The following FAM167A variants were observed in gnomAD, a reference collection of about 807,000 sequenced individuals.
FAM167A encodes protein FAM167A.
FAM167A carries 23 observed loss-of-function variants against 14.9 expected under a neutral mutation model. The observed-to-expected ratio is 1.55, with a 90% CI of 1.11 to 2.19. FAM167A has a LOEUF of 2.19. Among genes scored for constraint, FAM167A ranks in the 30% most tolerant of loss-of-function variants. FAM167A has a pLI of 0.00. For missense variants in FAM167A, 401 were observed against 281.5 expected (o/e 1.42, Z -3.04); for synonymous variants, 174 against 117.7 (o/e 1.48, Z -3.10).
chr8:11,449,149 ATG>A (rs1806918022), intron 1 of FAM167A, among the ~76,000 whole-genome samples: 2 of 152,234 alleles, frequency 1.3e-5, no homozygotes, highest in South Asian at 4.1e-4. Flanking sequence ...CTCAAGCAGC[ATG>A]TGTTTTCCTG....
At chr8:11,424,839 G>C (rs1361217519) in intron 2 of FAM167A, among the ~76,000 whole-genome samples, 4 of 152,238 alleles carry the variant, frequency 2.6e-5, no homozygotes, top group Non-Finnish European at 4.4e-5. Context: ...ACAATACTTT[G>C]TGCTAGGCTA....
chr8:11,468,279 C>T (rs1011461483), upstream of FAM167A, among the ~76,000 whole-genome samples: 2 of 152,200 alleles, frequency 1.3e-5, no homozygotes, highest in African/African-American at 4.8e-5. Context: ...GGCCTCTGTC[C>T]GTCTCTAGGG....
At chr8:11,467,096 GACCCC>G (rs1176586905), upstream of FAM167A, among the ~76,000 whole-genome samples, 4 of 152,196 alleles carry the variant, frequency 2.6e-5, no homozygotes, top group African/African-American at 9.6e-5. Flanking sequence ...GGCGCAGGGG[GACCCC>G]ACGCCCAGGG....
At chr8:11,469,574 GA>G (rs1387598491), upstream of FAM167A, among the ~76,000 whole-genome samples, 2 of 152,220 alleles carry the variant, frequency 1.3e-5, no homozygotes, top group Non-Finnish European at 2.9e-5. Flanking sequence ...GATGAGTCAA[GA>G]AAAATGCCCA....
rs1806335992 is a variant in FAM167A, at chr8:11,440,052, G to C, written c.381+3979C>G. ...AATGCCCTCCCCCCACTCCCACCCAGGCTACTCGGCTGCCTGGAAGGTGAA... is the reference window on the plus strand; with the variant it reads ...AATGCCCTCCCCCCACTCCCACCCACGCTACTCGGCTGCCTGGAAGGTGAA... On this transcript the variant is annotated intron_variant, in intron 2 of 2. Transcript: ENST00000284486. Among the ~76,000 whole-genome samples, 3 of 152,156 alleles carry C rather than the reference G, an allele frequency of 2.0e-5. No homozygotes were observed. In the South Asian group the frequency reaches 6.2e-4, roughly 32 times the overall value.
At chr8:11,439,752 C>T (rs892270308) in intron 2 of FAM167A, among the ~76,000 whole-genome samples, 3 of 152,200 alleles carry the variant, frequency 2.0e-5, no homozygotes, top group Non-Finnish European at 4.4e-5. Flanking sequence ...TTCATCCTGG[C>T]ACTGCATAAA....
chr8:11,422,415 C>G lies in FAM167A; in HGVS notation c.*1958G>C, dbSNP rs943696480. 7.6e-5 allele frequency: 10 copies of G among 131,952 alleles called. No individual in the cohort carries two copies. The highest frequency in any genetic ancestry group is 1.8e-4 in the Non-Finnish European group (10 of 55,412). 8.2% of individuals were successfully genotyped at this position (131,952 alleles called of 1,614,324 possible). A position where few individuals can be genotyped will look rare whatever the true frequency, so the allele number is the denominator to read the frequency against. Reference sequence around the variant, plus strand: ...GTGTGTGTGTGTGTGTAGGTCAGCCCGAGACCTCAAGGGCTTATCTGGAAA... The same window carrying G: ...GTGTGTGTGTGTGTGTAGGTCAGCCGGAGACCTCAAGGGCTTATCTGGAAA... On this transcript the variant is annotated 3_prime_UTR_variant, in exon 3 of 3. Coordinates refer to ENST00000284486, the MANE Select transcript of FAM167A (RefSeq NM_053279.3).
chr8:11,458,231 T>C (rs1046036080), intron 1 of FAM167A, among the ~76,000 whole-genome samples: 1 of 152,230 alleles, frequency 6.6e-6, no homozygotes, highest in African/African-American at 2.4e-5. Context: ...TGTTTGAATT[T>C]GACTCAGTCT....
intron 2 of FAM167A, among the ~76,000 whole-genome samples, chr8:11,439,280 T>C (rs1395694544): frequency 6.6e-6 from 1 of 152,120 alleles, no homozygotes; most frequent in Non-Finnish European, 1.5e-5. Flanking sequence ...AGATGGGGGG[T>C]ATCAACCTGG....
intron 2 of FAM167A, among the ~76,000 whole-genome samples, chr8:11,431,785 G>T (rs931673489): frequency 2.7e-5 from 4 of 149,644 alleles, no homozygotes; most frequent in Admixed American, 6.8e-5. Flanking sequence ...TAGCCTGAGT[G>T]ACACTGGAAG....
intron 2 of FAM167A, chr8:11,435,179 G>C: frequency 2.2e-6 from 1 of 455,240 alleles, no homozygotes; most frequent in African/African-American, 2.0e-5. Context: ...CCACAGGGCA[G>C]CCACACTGAG....
intron 1 of FAM167A, among the ~76,000 whole-genome samples, chr8:11,446,878 G>A (rs1309591490): frequency 6.6e-6 from 1 of 152,250 alleles, no homozygotes; most frequent in East Asian, 1.9e-4. Flanking sequence ...GTCTGGGGCA[G>A]CTGCACCTAC....
At chr8:11,475,768 C>T (rs1422141542) in intron 1 of FAM167A, among the ~76,000 whole-genome samples, 1 of 152,176 alleles carries the variant, frequency 6.6e-6, no homozygotes, top group African/African-American at 2.4e-5. Context: ...TTGATTCTAG[C>T]TCCTTTCCCC....
intron 2 of FAM167A, among the ~76,000 whole-genome samples, chr8:11,430,967 A>C (rs1038338986): frequency 3.9e-5 from 6 of 152,218 alleles, no homozygotes; most frequent in Admixed American, 2.6e-4. Context: ...GTGGAATAAA[A>C]CAAAAGCCTT....
At chr8:11,431,889 T>C (rs1338103455) in intron 2 of FAM167A, among the ~76,000 whole-genome samples, 1 of 47,714 alleles carries the variant, frequency 2.1e-5, no homozygotes, top group Non-Finnish European at 4.0e-5. Context: ...ACTGGACCAA[T>C]TGGCAAAAAA....
upstream of FAM167A, among the ~76,000 whole-genome samples, chr8:11,468,480 A>G (rs1807855824): frequency 6.6e-6 from 1 of 152,186 alleles, no homozygotes; most frequent in Non-Finnish European, 1.5e-5. Flanking sequence ...AGGTTATTTG[A>G]TTAGTATGTG....
intron 2 of FAM167A, among the ~76,000 whole-genome samples, chr8:11,433,654 C>G (rs563853154): frequency 6.6e-6 from 1 of 152,302 alleles, no homozygotes; most frequent in South Asian, 2.1e-4. Context: ...GGCAGGCAGA[C>G]AGAATGCCAA....
Position 11,443,906 on chromosome 8 carries a change from G to A in FAM167A, c.381+125C>T. 2.5e-6 allele frequency: 3 copies of A among 1,213,766 alleles called. 1 individual carries two copies. Among genetic ancestry groups the A allele is most frequent in the Middle Eastern group, 4.0e-4 (2 of 4,986 alleles). 75.2% of individuals were successfully genotyped at this position (1,213,766 alleles called of 1,614,324 possible). The stretch of plus-strand genomic sequence containing the variant: ...CGGGAAGATTACAGATGTGCACTTG[G>A]GGGTTAGAGAGAGGGGAAGAAATAC... On this transcript the variant is annotated intron_variant, in intron 2 of 2. Coordinates refer to ENST00000284486, the MANE Select transcript of FAM167A (RefSeq NM_053279.3).
intron 1 of FAM167A, among the ~76,000 whole-genome samples, chr8:11,473,591 C>T (rs983472609): frequency 6.6e-6 from 1 of 152,168 alleles, no homozygotes; most frequent in Non-Finnish European, 1.5e-5. Context: ...CACCTTCTTT[C>T]CCATCCCCAT....
Sources: allele counts gnomAD v4.1 joint callset (sites outside exome capture counted in the v4.1 genomes callset), GRCh38; gene constraint gnomAD v4.1.1; transcripts MANE v1.5; gene names NCBI Gene and HGNC (gene_info 2026-07-23, HGNC 2026-07-21).